The following TRHDE variants were observed in gnomAD, a reference collection of about 807,000 sequenced individuals.
TRHDE encodes thyrotropin releasing hormone degrading enzyme.
TRHDE carries 72 observed loss-of-function variants against 125.7 expected under a neutral mutation model. The ratio of observed to expected loss-of-function variants is 0.57; its 90% CI spans 0.47 to 0.70. The LOEUF (loss-of-function observed/expected upper bound fraction) is 0.70, where lower values mean the gene tolerates loss of function less well. TRHDE is among the 30% of genes least tolerant of loss of function. The pLI is 0.00. For missense variants in TRHDE, 1,110 were observed against 1,327.1 expected (o/e 0.84, Z 2.54); for synonymous variants, 509 against 509.1 (o/e 1.00, Z 0.00).
intron 7 of TRHDE, among the ~76,000 whole-genome samples, chr12:72,552,921 A>G (rs994273800): frequency 6.6e-6 from 1 of 152,168 alleles, no homozygotes; most frequent in South Asian, 2.1e-4. Context: ...AGTGAGAAAT[A>G]ACTCCAGGAC....
At chr12:72,102,767 A>G (rs1875098896) in intron 1 of TRHDE, among the ~76,000 whole-genome samples, 1 of 152,206 alleles carries the variant, frequency 6.6e-6, no homozygotes, top group African/African-American at 2.4e-5. Context: ...AATTAGGCAG[A>G]TCCCAGTGTA....
chr12:72,602,850 C>A (rs1040897250), intron 12 of TRHDE, among the ~76,000 whole-genome samples: 6 of 152,140 alleles, frequency 3.9e-5, no homozygotes, highest in African/African-American at 1.4e-4. Flanking sequence ...AATCTATTCC[C>A]CACAATTGCC....
intron 6 of TRHDE, among the ~76,000 whole-genome samples, chr12:72,514,892 G>C (rs1205831158): frequency 1.0e-4 from 15 of 145,262 alleles, no homozygotes; most frequent in Non-Finnish European, 6.0e-5. Flanking sequence ...GTGGTGTTTG[G>C]TTTTTTGTTC....
chr12:72,450,875 A>G (rs1246738818), intron 3 of TRHDE, among the ~76,000 whole-genome samples: 1 of 151,998 alleles, frequency 6.6e-6, no homozygotes, highest in Non-Finnish European at 1.5e-5. Flanking sequence ...TGTGGTTCTC[A>G]TTTGTATTTC....
chr12:72,543,282 G>A (rs1343359171), intron 7 of TRHDE, among the ~76,000 whole-genome samples: 1 of 151,440 alleles, frequency 6.6e-6, no homozygotes, highest in African/African-American at 2.4e-5. Context: ...ACTATGTTAT[G>A]ACAAACTCTC....
At chr12:72,222,472 C>T (rs1242752052) in intron 2 of TRHDE, among the ~76,000 whole-genome samples, 2 of 152,090 alleles carry the variant, frequency 1.3e-5, no homozygotes, top group African/African-American at 4.8e-5. Context: ...GTCAGAATCA[C>T]CTGGAGGCTT....
chr12:72,591,582 C>T (rs1203344557), intron 12 of TRHDE, among the ~76,000 whole-genome samples: 1 of 148,174 alleles, frequency 6.7e-6, no homozygotes, highest in Non-Finnish European at 1.5e-5. Flanking sequence ...TTTGTACATA[C>T]CCTAATATTT....
At chr12:72,088,629 G>A (rs937873732) in intron 1 of TRHDE, among the ~76,000 whole-genome samples, 3 of 151,940 alleles carry the variant, frequency 2.0e-5, no homozygotes, top group Non-Finnish European at 4.4e-5. Context: ...AAATGGAAAT[G>A]ATGAAATATC....
intron 2 of TRHDE, among the ~76,000 whole-genome samples, chr12:72,149,973 A>T (rs1440955672): frequency 6.6e-6 from 1 of 152,174 alleles, no homozygotes; most frequent in African/African-American, 2.4e-5. Context: ...TTTATAAATA[A>T]TACAGGTTCA....
At chr12:72,636,622 A>G (rs909397550) in intron 15 of TRHDE, among the ~76,000 whole-genome samples, 1 of 152,142 alleles carries the variant, frequency 6.6e-6, no homozygotes, top group Non-Finnish European at 1.5e-5. Context: ...CCCATTCAGT[A>G]TGATATTGGC....
At chr12:72,234,151 A>G (rs1878298173) in intron 2 of TRHDE, among the ~76,000 whole-genome samples, 1 of 152,212 alleles carries the variant, frequency 6.6e-6, no homozygotes, top group Non-Finnish European at 1.5e-5. Context: ...ATATTTCAGT[A>G]TAAGTGAATT....
chr12:72,443,107 C>T (rs765515962), intron 3 of TRHDE, among the ~76,000 whole-genome samples: 1 of 151,726 alleles, frequency 6.6e-6, no homozygotes, highest in Non-Finnish European at 1.5e-5. Context: ...ACTTTAGCTT[C>T]ATTTTCCCGA....
At chr12:72,165,713 G>A (rs1239716749) in intron 2 of TRHDE, among the ~76,000 whole-genome samples, 5 of 149,594 alleles carry the variant, frequency 3.3e-5, no homozygotes, top group East Asian at 2.0e-4. Context: ...CTGCTCTATC[G>A]CCCAGGCTGG....
chr12:72,286,589 A>G, intron 1 of TRHDE, 92 bp from the exon 2 acceptor site: 1 of 1,228,864 alleles, frequency 8.1e-7, no homozygotes, highest in Non-Finnish European at 1.1e-6. Context: ...AATTTGGAAT[A>G]ATATATTATT....
intron 2 of TRHDE, among the ~76,000 whole-genome samples, chr12:72,123,897 A>C (rs1156955900): frequency 6.6e-6 from 1 of 152,164 alleles, no homozygotes; most frequent in Non-Finnish European, 1.5e-5. Flanking sequence ...TATTTTATAT[A>C]AAAGGAATCT....
chr12:72,625,182 T>C (rs929458554), intron 15 of TRHDE, among the ~76,000 whole-genome samples: 1 of 151,874 alleles, frequency 6.6e-6, no homozygotes, highest in Non-Finnish European at 1.5e-5. Flanking sequence ...TATAGGGTTT[T>C]CTCTAAGTAA....
rs1484439927 is a variant in TRHDE, at chr12:72,273,016, C to T, written c.373C>T (p.Pro125Ser). The T allele has an allele frequency of 1.3e-6, 2 of 1,541,516 alleles. No individual in the cohort carries two copies. Among genetic ancestry groups the T allele is most frequent in the Non-Finnish European group, 1.7e-6 (2 of 1,149,252 alleles). The change falls in exon 1 of 19, where the codon CCC (proline) becomes TCC (serine). Residue 125 changes from proline (P) to serine (S), a missense_variant. Physicochemically the swap from Pro to Ser is moderately conservative, Grantham distance 74 (BLOSUM62 -1). Transcript: ENST00000261180. The surrounding 1 kb of genome is among the most constrained non-coding windows in gnomAD (Gnocchi z 5.3). ...ASATPGADGG[P>S]SGFPERGGNG... The stretch of plus-strand genomic sequence containing the variant: ...TGCCACGCCAGGCGCCGACGGTGGC[C>T]CCTCAGGCTTTCCGGAGCGCGGCGG...
intron 2 of TRHDE, among the ~76,000 whole-genome samples, chr12:72,267,116 A>T (rs12426189): frequency 0.2 from 29,695 of 152,030 alleles, 3,078 homozygotes; most frequent in Middle Eastern, 0.33. Flanking sequence ...TAGACAAATT[A>T]ACTAGTTTAA....
chr12:72,256,828 G>A (rs1878825615), intron 2 of TRHDE: 1 of 152,226 alleles, frequency 6.6e-6, no homozygotes, highest in Non-Finnish European at 1.5e-5. Context: ...TGGGCTAGAA[G>A]AACAGACCCA....
Sources: allele counts gnomAD v4.1 joint callset (sites outside exome capture counted in the v4.1 genomes callset), GRCh38; gene constraint gnomAD v4.1.1; non-coding constraint Gnocchi (gnomAD v3.1); transcripts MANE v1.5; gene names NCBI Gene and HGNC (gene_info 2026-07-23, HGNC 2026-07-21).